PPP2R2A: variants seen among roughly 807,000 people sequenced by gnomAD.
PPP2R2A encodes the protein serine/threonine-protein phosphatase 2A 55 kDa regulatory subunit B alpha isoform.
A neutral mutation model predicts 53.2 loss-of-function variants in PPP2R2A; 9 were observed. That is an observed-to-expected ratio of 0.17 (90% CI 0.10 to 0.30). The LOEUF (loss-of-function observed/expected upper bound fraction) is 0.30. Among genes scored for constraint, PPP2R2A ranks in the 10% least tolerant of loss-of-function variants. The pLI is 1.00. For synonymous variants in PPP2R2A, 169 were observed against 174.2 expected, an observed-to-expected ratio of 0.97 and a Z score of 0.23; for missense variants, 235 against 534.6, an observed-to-expected ratio of 0.44 and a Z score of 5.53.
intron 2 of PPP2R2A, among the ~76,000 whole-genome samples, chr8:26,326,285 C>CA (rs2117282904): frequency 6.6e-6 from 1 of 152,348 alleles, no homozygotes; most frequent in South Asian, 2.1e-4. Flanking sequence ...TCCCAGTTCT[C>CA]AGTCTCCTTC....
At chr8:26,315,112 A>G (rs1169486883) in intron 2 of PPP2R2A, among the ~76,000 whole-genome samples, 1 of 151,468 alleles carries the variant, frequency 6.6e-6, no homozygotes, top group Non-Finnish European at 1.5e-5. Flanking sequence ...GTTTCTTTTC[A>G]TTTTCTAATC....
rs371275990 is a variant in PPP2R2A, at chr8:26,330,571, C to T, written c.83-8319C>T. On this transcript the variant is annotated intron_variant, in intron 2 of 9. Coordinates refer to ENST00000380737, the MANE Select transcript of PPP2R2A (RefSeq NM_002717.4). ...TCTCAAACTCCTGACCTCAAGTGAT[C>T]CACCCGCCTCAGTGCTGGGATTGCA... 6.6e-5 allele frequency among the ~76,000 whole-genome samples: 10 copies of T among 152,254 alleles called. No individual in the cohort carries two copies. In the East Asian group the frequency reaches 1.7e-3, roughly 26 times the overall value.
chr8:26,313,096 C>T (rs970000637), intron 2 of PPP2R2A, among the ~76,000 whole-genome samples: 2 of 150,184 alleles, frequency 1.3e-5, no homozygotes, highest in Non-Finnish European at 3.0e-5. Flanking sequence ...TGGAGTGGCA[C>T]CATCTTGGCT....
chr8:26,348,277 A>C (rs17055148), intron 3 of PPP2R2A, among the ~76,000 whole-genome samples: 9,709 of 152,202 alleles, frequency 0.064, 474 homozygotes, highest in East Asian at 0.25. Flanking sequence ...TATTTCCTAC[A>C]TTTTTGCAGA....
At chr8:26,298,434 C>T (rs1022167623) in intron 2 of PPP2R2A, 1 of 152,144 alleles carries the variant, frequency 6.6e-6, no homozygotes, top group African/African-American at 2.4e-5. Flanking sequence ...ACTTGCTCCT[C>T]TAGTAGATGA....
In PPP2R2A at chr8:26,344,976, A is replaced by C. The variant is rs75463221; in HGVS notation, c.180+5989A>C. 1.8e-3 allele frequency among the ~76,000 whole-genome samples: 268 copies of C among 152,320 alleles called. 8 individuals are homozygous for C. In the East Asian group the frequency reaches 0.049, roughly 28 times the overall value. On this transcript the variant is annotated intron_variant, in intron 3 of 9. Coordinates refer to ENST00000380737, the MANE Select transcript of PPP2R2A (RefSeq NM_002717.4). The stretch of plus-strand genomic sequence containing the variant: ...TCCTAAACACAAATTAAATTGTTTC[A>C]TATACACCTTATACATATGACCTGA...
rs1411092504 is a variant in PPP2R2A, at chr8:26,321,735, T to C, written c.83-17155T>C. Among the ~76,000 whole-genome samples the C allele has an allele frequency of 2.6e-5, 4 of 152,216 alleles. No individual in the cohort carries two copies. The highest frequency in any genetic ancestry group is 2.0e-4 in the Admixed American group (3 of 15,280). On this transcript the variant is annotated intron_variant, in intron 2 of 9. Transcript: ENST00000380737. The surrounding 1 kb of genome is among the most constrained non-coding windows in gnomAD (Gnocchi z 4.1). The stretch of plus-strand genomic sequence containing the variant: ...TCAGGCTTTCGGATACCTGCAACTT[T>C]GTGAGAGACCTTGAACGCAAGGCCC...
intron 2 of PPP2R2A, among the ~76,000 whole-genome samples, chr8:26,333,133 T>C (rs1803470076): frequency 6.6e-6 from 1 of 152,256 alleles, no homozygotes; most frequent in African/African-American, 2.4e-5. Context: ...GACTTTGTGT[T>C]ATTTTAATGC....
rs578166180 is a variant in PPP2R2A, at chr8:26,310,112, C to A, written c.82+16372C>A. Among the ~76,000 whole-genome samples, 3 of 147,226 alleles carry A rather than the reference C, an allele frequency of 2.0e-5. No individual in the cohort carries two copies. In the East Asian group the frequency reaches 6.3e-4, roughly 31 times the overall value. ...CTTGGCCAACATGATGAAATCCCGC[C>A]TCTACTAAAAATACAAAAATTAGCT... is the stretch of plus-strand genomic sequence containing the variant. On this transcript the variant is annotated intron_variant, in intron 2 of 9. Transcript: ENST00000380737.
At chr8:26,308,316 CTCTT>C (rs1284698267) in intron 2 of PPP2R2A, among the ~76,000 whole-genome samples, 1 of 152,208 alleles carries the variant, frequency 6.6e-6, no homozygotes, top group Non-Finnish European at 1.5e-5. Context: ...CATCAGTTGA[CTCTT>C]TCATGAAAGA....
rs1805596104 is a variant in PPP2R2A, at chr8:26,370,103, G to C, written c.1065-31G>C. ...TTGAAAACAATTTCTTGTTCTGCTT[G>C]TTTGACTGAGTGTACTGTCTATTTT... On this transcript the variant is annotated intron_variant, in intron 9 of 9. Transcript: ENST00000380737. This position sits in a 1 kb window ranked among gnomAD's most constrained non-coding sequence, Gnocchi z 6.1. The C allele has an allele frequency of 6.3e-7, 1 of 1,586,246 alleles. No homozygotes were observed.
At chr8:26,330,940 T>C (rs184129612) in intron 2 of PPP2R2A, among the ~76,000 whole-genome samples, 112 of 152,306 alleles carry the variant, frequency 7.4e-4, no homozygotes, top group African/African-American at 2.6e-3. Flanking sequence ...TAGTGCTGAT[T>C]TAGCCTGATT....
chr8:26,326,026 G>A (rs982329038), intron 2 of PPP2R2A, among the ~76,000 whole-genome samples: 2 of 152,012 alleles, frequency 1.3e-5, no homozygotes, highest in East Asian at 3.9e-4. Context: ...TTGTAGAGAC[G>A]GGTTTTCGCC....
Position 26,370,122 on chromosome 8 carries a change from C to CT in PPP2R2A, c.1065-11dup. The CT allele has an allele frequency of 6.2e-7, 1 of 1,610,884 alleles. No homozygotes were observed. The highest frequency in any genetic ancestry group is 8.5e-7 in the Non-Finnish European group (1 of 1,177,564). On this transcript the variant is annotated splice_polypyrimidine_tract_variant and intron_variant, in intron 9 of 9. Coordinates refer to ENST00000380737, the MANE Select transcript of PPP2R2A (RefSeq NM_002717.4). The surrounding 1 kb of genome is among the most constrained non-coding windows in gnomAD (Gnocchi z 6.1). ...CTGCTTGTTTGACTGAGTGTACTGT[C>CT]TATTTTCACAGTGTTGTCATGACTG... is the stretch of plus-strand genomic sequence containing the variant.
chr8:26,333,371 C>G, intron 2 of PPP2R2A: 1 of 330,526 alleles, frequency 3.0e-6, no homozygotes, highest in South Asian at 5.5e-5. Context: ...CATTTGACAG[C>G]TTTGGTACAA....
chr8:26,326,309 C>T (rs886999256), intron 2 of PPP2R2A, among the ~76,000 whole-genome samples: 1 of 152,200 alleles, frequency 6.6e-6, no homozygotes, highest in African/African-American at 2.4e-5. Flanking sequence ...TCAGTTTGAG[C>T]AATCTAAGGT....
rs758478491 is a variant in PPP2R2A at position 26,321,925 on chromosome 8, C to T, written c.83-16965C>T. ...CTCGGTCTAAGATTTGAACTTGGTT[C>T]TAATGTGTTTTCTGGTTGAACCCAA... On this transcript the variant is annotated intron_variant, in intron 2 of 9. Coordinates refer to ENST00000380737, the MANE Select transcript of PPP2R2A (RefSeq NM_002717.4). This position sits in a 1 kb window ranked among gnomAD's most constrained non-coding sequence, Gnocchi z 4.1. Among the ~76,000 whole-genome samples the T allele has an allele frequency of 3.9e-5, 6 of 152,216 alleles. No individual in the cohort carries two copies. The South Asian group carries it at 1.0e-3, about 26-fold the overall frequency.
chr8:26,304,808 A>G (rs1801940168), intron 2 of PPP2R2A, among the ~76,000 whole-genome samples: 3 of 152,204 alleles, frequency 2.0e-5, no homozygotes, highest in Admixed American at 6.5e-5. Flanking sequence ...GGTAGTAGCA[A>G]AGGCATTGCT....
chr8:26,302,522 T>C (rs924368090), intron 2 of PPP2R2A, among the ~76,000 whole-genome samples: 16 of 152,228 alleles, frequency 1.1e-4, no homozygotes, highest in African/African-American at 3.9e-4. Flanking sequence ...TGAATTTTAA[T>C]GTGACAGACT....
Sources: allele counts gnomAD v4.1 joint callset (sites outside exome capture counted in the v4.1 genomes callset), GRCh38; gene constraint gnomAD v4.1.1; non-coding constraint Gnocchi (gnomAD v3.1); transcripts MANE v1.5; gene names NCBI Gene and HGNC (gene_info 2026-07-23, HGNC 2026-07-21).